Variants in EYA2 observed in about 807,000 individuals in gnomAD.
EYA2 encodes the protein EYA transcriptional coactivator and phosphatase 2, also known as protein phosphatase EYA2.
A neutral mutation model predicts 69.2 loss-of-function variants in EYA2; 31 were observed. That is an observed-to-expected ratio of 0.45 (90% CI 0.34 to 0.60). EYA2 has a LOEUF of 0.60. Among genes scored for constraint, EYA2 ranks in the 20% least tolerant of loss-of-function variants. The pLI is 0.02. For synonymous variants in EYA2, 257 were observed against 279.4 expected, an observed-to-expected ratio of 0.92 and a Z score of 0.80; for missense variants, 622 against 701.2, an observed-to-expected ratio of 0.89 and a Z score of 1.28.
intron 5 of EYA2, among the ~76,000 whole-genome samples, chr20:47,029,043 A>G (rs1415800670): frequency 1.3e-5 from 2 of 152,266 alleles, no homozygotes; most frequent in Non-Finnish European, 2.9e-5. Flanking sequence ...TGTGCAAGCC[A>G]AAGCACATGT....
intron 10 of EYA2, among the ~76,000 whole-genome samples, chr20:47,156,317 G>T (rs2033952232): frequency 6.7e-6 from 1 of 149,634 alleles, no homozygotes; most frequent in Non-Finnish European, 1.5e-5. Flanking sequence ...CTGGGCAACA[G>T]AGCAAGACTC....
chr20:46,932,122 A>T (rs6018190), intron 1 of EYA2, among the ~76,000 whole-genome samples: 2 of 150,930 alleles, frequency 1.3e-5, no homozygotes, highest in Admixed American at 1.3e-4. Context: ...CATTTCATCC[A>T]CCTACCTCGC....
rs1027688614 is a variant in EYA2, at chr20:47,088,095, C to T, written c.662-1144C>T. 2.6e-5 allele frequency among the ~76,000 whole-genome samples: 4 copies of T among 152,230 alleles called. No homozygotes were observed. The East Asian group carries it at 7.7e-4, about 29-fold the overall frequency. ...ACTAAAAATACAAAAATTAGCCGGG[C>T]ATGGTGGTGGGTGCCTATAATCCCA... On this transcript the variant is annotated intron_variant, in intron 7 of 15. Coordinates refer to ENST00000327619, the MANE Select transcript of EYA2 (RefSeq NM_005244.5).
At chr20:46,918,542 G>A (rs937601037) in intron 1 of EYA2, among the ~76,000 whole-genome samples, 1 of 152,064 alleles carries the variant, frequency 6.6e-6, no homozygotes, top group South Asian at 2.1e-4. Context: ...CCCGCACTCA[G>A]GCGATCCATC....
intron 1 of EYA2, among the ~76,000 whole-genome samples, chr20:46,932,473 A>G (rs1349069913): frequency 6.6e-6 from 1 of 152,130 alleles, no homozygotes; most frequent in East Asian, 1.9e-4. Flanking sequence ...CTTGAATTGT[A>G]ATTCCCATGT....
At chr20:47,058,473 C>T (rs1397448015) in intron 5 of EYA2, among the ~76,000 whole-genome samples, 1 of 152,182 alleles carries the variant, frequency 6.6e-6, no homozygotes, top group South Asian at 2.1e-4. Flanking sequence ...GCGTTTATGG[C>T]AGCCTTGCTG....
chr20:46,895,182 C>CAG (rs893299652), intron 1 of EYA2, among the ~76,000 whole-genome samples, 195 bp downstream of exon 1: 1 of 152,236 alleles, frequency 6.6e-6, no homozygotes, highest in African/African-American at 2.4e-5. Flanking sequence ...GGGACAGCAG[C>CAG]AGAGCCCCCC....
At chr20:47,004,868 G>A in intron 3 of EYA2, 74 bp from the exon 4 acceptor site, 2 of 1,599,460 alleles carry the variant, frequency 1.3e-6, no homozygotes, top group Non-Finnish European at 1.7e-6. Flanking sequence ...AAAAATGGGG[G>A]TGTTGATATC....
chr20:46,917,929 T>C (rs1316455820), intron 1 of EYA2, among the ~76,000 whole-genome samples: 5 of 152,178 alleles, frequency 3.3e-5, no homozygotes, highest in South Asian at 2.1e-4. Flanking sequence ...GTTTGCTGCA[T>C]TGATGAATCC....
chr20:47,074,439 G>A, intron 7 of EYA2, 104 bp downstream of exon 7: 1 of 1,267,556 alleles, frequency 7.9e-7, no homozygotes, highest in Non-Finnish European at 1.1e-6. Flanking sequence ...GGTTACCCAA[G>A]GGTCATTCAT....
chr20:46,897,892 A>G (rs1051322922), intron 1 of EYA2, among the ~76,000 whole-genome samples: 3 of 152,132 alleles, frequency 2.0e-5, no homozygotes, highest in African/African-American at 4.8e-5. Flanking sequence ...AGAATCAATT[A>G]TAAGTATTAG....
At position 47,064,688 on chromosome 20, in the gene EYA2, G is replaced by A. The variant is rs141271277; in HGVS notation, c.416-7497G>A. On this transcript the variant is annotated intron_variant, in intron 5 of 15. Transcript: ENST00000327619. ...CTATCTTTATTATGGCCAACCTAGC[G>A]AGTGTGAAGGAGCAGCAGTTTTCAG... Among the ~76,000 whole-genome samples, 1,447 of 152,100 alleles carry A rather than the reference G, an allele frequency of 9.5e-3. 19 individuals are homozygous for A. The highest frequency in any genetic ancestry group is 0.032 in the African/African-American group (1,347 of 41,488).
intron 10 of EYA2, among the ~76,000 whole-genome samples, chr20:47,159,651 G>T (rs1047658943): frequency 6.6e-6 from 1 of 152,076 alleles, no homozygotes; most frequent in African/African-American, 2.4e-5. Context: ...GGTGTGGGGT[G>T]TATGGGAACT....
chr20:46,998,101 G>A (rs1455270284), intron 2 of EYA2: 2 of 162,298 alleles, frequency 1.2e-5, no homozygotes, highest in Admixed American at 1.3e-4. Context: ...TGTTCAGAGT[G>A]TATTCAGTGG....
intron 1 of EYA2, among the ~76,000 whole-genome samples, chr20:46,943,194 C>T (rs2146265044): frequency 6.6e-6 from 1 of 152,310 alleles, no homozygotes; most frequent in Non-Finnish European, 1.5e-5. Context: ...CTGCGGGCGC[C>T]TAGTGGGTAG....
At chr20:47,154,121 T>A (rs1413614662) in intron 10 of EYA2, among the ~76,000 whole-genome samples, 2 of 152,010 alleles carry the variant, frequency 1.3e-5, no homozygotes, top group Non-Finnish European at 2.9e-5. Context: ...ATGATCCAGG[T>A]GCTGGCAAAG....
At chr20:47,132,584 G>T (rs915604048) in intron 9 of EYA2, among the ~76,000 whole-genome samples, 1 of 152,218 alleles carries the variant, frequency 6.6e-6, no homozygotes, top group African/African-American at 2.4e-5. Context: ...CTCCTTCAAG[G>T]TGATGTACCT....
At position 47,076,246 on chromosome 20, in the gene EYA2, T is replaced by A. The variant is rs116375219; in HGVS notation, c.661+1911T>A. 6.1e-3 allele frequency among the ~76,000 whole-genome samples: 927 copies of A among 152,378 alleles called. 5 individuals carry two copies. The highest frequency in any genetic ancestry group is 0.021 in the African/African-American group (886 of 41,592). On this transcript the variant is annotated intron_variant, in intron 7 of 15. Coordinates refer to ENST00000327619, the MANE Select transcript of EYA2 (RefSeq NM_005244.5). ...ATGGGATTGCTGGTATATATCCAAA[T>A]GGTAGTTTCATTTTAAGTTCCTTGA...
At chr20:47,045,382 C>T (rs932491555) in intron 5 of EYA2, among the ~76,000 whole-genome samples, 1 of 152,176 alleles carries the variant, frequency 6.6e-6, no homozygotes, top group South Asian at 2.1e-4. Flanking sequence ...GGCCCGGACT[C>T]AGAAGTCCCA....
Sources: allele counts gnomAD v4.1 joint callset (sites outside exome capture counted in the v4.1 genomes callset), GRCh38; gene constraint gnomAD v4.1.1; transcripts MANE v1.5; gene names NCBI Gene and HGNC (gene_info 2026-07-23, HGNC 2026-07-21).